SCN2A: variants seen among roughly 807,000 people sequenced by gnomAD.
The protein encoded by SCN2A is sodium channel protein type 2 subunit alpha.
In SCN2A, 20 loss-of-function variants were observed where a neutral mutation model predicts 188.7. The ratio of observed to expected loss-of-function variants is 0.11; its 90% CI spans 0.07 to 0.15. The LOEUF (loss-of-function observed/expected upper bound fraction) is 0.15. SCN2A is among the 10% of genes least tolerant of loss of function. SCN2A has a pLI of 1.00. For synonymous variants in SCN2A, 804 were observed against 833.1 expected, an observed-to-expected ratio of 0.97 and a Z score of 0.60; for missense variants, 1,278 against 2,445.0, an observed-to-expected ratio of 0.52 and a Z score of 10.07.
intron 1 of SCN2A, among the ~76,000 whole-genome samples, chr2:165,259,747 A>G (rs556044366): frequency 6.6e-6 from 1 of 152,206 alleles, no homozygotes; most frequent in South Asian, 2.1e-4. Flanking sequence ...AAAATCAACC[A>G]TGACGACTGG....
chr2:165,261,801 C>T (rs1201265475), intron 1 of SCN2A, among the ~76,000 whole-genome samples: 1 of 152,084 alleles, frequency 6.6e-6, no homozygotes, highest in Non-Finnish European at 1.5e-5. Context: ...GGAAAAGAAA[C>T]ATTTCAGTCA....
At chr2:165,373,133 C>A in intron 20 of SCN2A, 92 bp from the exon 21 acceptor site, 2 of 1,387,104 alleles carry the variant, frequency 1.4e-6, no homozygotes, top group South Asian at 1.2e-5. Flanking sequence ...CATGAAAGTT[C>A]GAGAATTACT....
chr2:165,305,234 G>A (rs189263135), intron 3 of SCN2A, among the ~76,000 whole-genome samples: 1 of 152,292 alleles, frequency 6.6e-6, no homozygotes, highest in East Asian at 1.9e-4. Context: ...GACGTCAAAG[G>A]AGTAAGTAAT....
chr2:165,352,563 A>T (rs1032522487), intron 16 of SCN2A, among the ~76,000 whole-genome samples: 1 of 152,158 alleles, frequency 6.6e-6, no homozygotes, highest in African/African-American at 2.4e-5. Context: ...CTAATCTGAA[A>T]ATTTGAAATC....
At chr2:165,255,201 TA>T (rs1160241635) in intron 1 of SCN2A, among the ~76,000 whole-genome samples, 5 of 152,084 alleles carry the variant, frequency 3.3e-5, no homozygotes, top group Admixed American at 6.5e-5. Flanking sequence ...GATTTTCCCA[TA>T]GGGGTATATC....
chr2:165,275,944 AG>A (rs1695320403), intron 1 of SCN2A, among the ~76,000 whole-genome samples: 1 of 152,116 alleles, frequency 6.6e-6, no homozygotes, highest in Non-Finnish European at 1.5e-5. Context: ...CATGTTGGCC[AG>A]GCTGGTCTTG....
At position 165,331,203 on chromosome 2, in the gene SCN2A, CTCCAGCAGAT is replaced by C. The variant is rs1280621967; in HGVS notation, c.2150-125_2150-116del. 6.5e-6 allele frequency: 5 copies of C among 774,902 alleles called. No individual in the cohort carries two copies. In the African/African-American group the frequency reaches 6.9e-5, roughly 11 times the overall value. The allele number at this position is 774,902 out of a possible 1,614,324, so 48.0% of individuals were successfully genotyped here. A position where few individuals can be genotyped will look rare whatever the true frequency, so the allele number is the denominator to read the frequency against. ...ACCCATTGTAAAATTTTCCCTGTTC[CTCCAGCAGAT>C]TAACCCATAATATCTTTTAACAACT... On this transcript the variant is annotated intron_variant, in intron 13 of 26. Transcript: ENST00000375437.
intron 2 of SCN2A, 110 bp downstream of exon 2, chr2:165,296,200 A>T (rs1696502104): frequency 9.4e-7 from 1 of 1,062,240 alleles, no homozygotes; most frequent in Middle Eastern, 2.9e-4. Context: ...CTAAAGTATC[A>T]CTAAGATGCT....
chr2:165,294,084 C>T (rs1304718716), intron 1 of SCN2A: 2 of 920,714 alleles, frequency 2.2e-6, no homozygotes, highest in East Asian at 1.5e-4. Context: ...CTGCAGTCTT[C>T]TTGGTGCCAG....
intron 24 of SCN2A, 99 bp downstream of exon 24, chr2:165,380,828 T>C (rs1390276850): frequency 7.1e-6 from 7 of 987,356 alleles, no homozygotes; most frequent in Non-Finnish European, 9.1e-6. Flanking sequence ...AAAAAGAATA[T>C]AAAATTCAGA....
At chr2:165,301,623 G>T (rs1411387627) in intron 3 of SCN2A, among the ~76,000 whole-genome samples, 1 of 152,170 alleles carries the variant, frequency 6.6e-6, no homozygotes, top group Non-Finnish European at 1.5e-5. Flanking sequence ...TCTAGCACCA[G>T]ATCCCATGCT....
chr2:165,309,033 G>A (rs1559352246), intron 5 of SCN2A: 1 of 1,128,380 alleles, frequency 8.9e-7, no homozygotes, highest in East Asian at 2.5e-5. Context: ...GATTATGATT[G>A]ATGACAATGC....
At chr2:165,384,418 C>G (rs1701757494) in intron 25 of SCN2A, among the ~76,000 whole-genome samples, 1 of 151,934 alleles carries the variant, frequency 6.6e-6, no homozygotes, top group Non-Finnish European at 1.5e-5. Flanking sequence ...ATTTGACACC[C>G]TAGGATTTAA....
chr2:165,385,268 A>T (rs989939054), intron 25 of SCN2A, among the ~76,000 whole-genome samples: 7 of 152,146 alleles, frequency 4.6e-5, no homozygotes, highest in Non-Finnish European at 7.4e-5. Flanking sequence ...AGTATTAGTC[A>T]TTCTAGTTGA....
At chr2:165,368,536 G>A (rs977672814) in intron 19 of SCN2A, among the ~76,000 whole-genome samples, 1 of 152,096 alleles carries the variant, frequency 6.6e-6, no homozygotes, top group Admixed American at 6.6e-5. Context: ...TGCTGCAGGG[G>A]ACTCCTCTGT....
intron 7 of SCN2A, among the ~76,000 whole-genome samples, chr2:165,310,964 G>T (rs1697392347): frequency 6.6e-6 from 1 of 152,060 alleles, no homozygotes; most frequent in Non-Finnish European, 1.5e-5. Context: ...AGACTGAGGG[G>T]AAATAATTTG....
chr2:165,372,939 C>T, intron 20 of SCN2A: 2 of 252,334 alleles, frequency 7.9e-6, no homozygotes, highest in South Asian at 6.9e-5. Context: ...AAAACATTTC[C>T]TACCAAGAAT....
intron 17 of SCN2A, among the ~76,000 whole-genome samples, chr2:165,355,610 A>G (rs1700139875): frequency 6.6e-6 from 1 of 152,176 alleles, no homozygotes; most frequent in African/African-American, 2.4e-5. Flanking sequence ...TTGGCGAGGA[A>G]GATAAAAGCT....
At chr2:165,325,598 A>G (rs1211786260) in intron 12 of SCN2A, among the ~76,000 whole-genome samples, 1 of 152,140 alleles carries the variant, frequency 6.6e-6, no homozygotes, top group Non-Finnish European at 1.5e-5. Context: ...TGTGTAGAAC[A>G]GAAGGGACTA....
Sources: allele counts gnomAD v4.1 joint callset (sites outside exome capture counted in the v4.1 genomes callset), GRCh38; gene constraint gnomAD v4.1.1; transcripts MANE v1.5; gene names NCBI Gene and HGNC (gene_info 2026-07-23, HGNC 2026-07-21).